The following PLXNA4 variants were observed in gnomAD, a reference collection of about 807,000 sequenced individuals.
PLXNA4 encodes plexin-A4.
PLXNA4 carries 44 observed loss-of-function variants against 191.8 expected under a neutral mutation model. The observed-to-expected ratio is 0.23, with a 90% confidence interval of 0.18 to 0.29. PLXNA4 has a LOEUF of 0.29. Among genes scored for constraint, PLXNA4 ranks in the 10% least tolerant of loss-of-function variants. The pLI is 1.00. For synonymous variants in PLXNA4, 1,082 were observed against 1,009.5 expected (o/e 1.07, Z -1.36); for missense variants, 1,800 against 2,488.8 (o/e 0.72, Z 5.89).
chr7:132,238,266 T>C (rs1475342863), intron 5 of PLXNA4, among the ~76,000 whole-genome samples: 1 of 152,172 alleles, frequency 6.6e-6, no homozygotes, highest in Non-Finnish European at 1.5e-5. Context: ...GATGGATTTG[T>C]TGATGAAAAT....
chr7:132,607,829 T>C (rs1167523727), intron 2 of PLXNA4, among the ~76,000 whole-genome samples: 1 of 151,046 alleles, frequency 6.6e-6, no homozygotes, highest in East Asian at 2.0e-4. Flanking sequence ...GCCATCATCA[T>C]CATCCATATC....
intron 27 of PLXNA4, 115 bp downstream of exon 27, chr7:132,147,785 G>A (rs901463668): frequency 1.2e-5 from 17 of 1,402,554 alleles, no homozygotes; most frequent in Non-Finnish European, 1.6e-5. Flanking sequence ...TGGTCAGCCT[G>A]TCTGATGCCC....
At chr7:132,158,999 C>A (rs758223452) in intron 25 of PLXNA4, among the ~76,000 whole-genome samples, 2 of 152,150 alleles carry the variant, frequency 1.3e-5, no homozygotes, top group Non-Finnish European at 2.9e-5. Flanking sequence ...TATCACTGAC[C>A]CAGATCCCTC....
intron 9 of PLXNA4, among the ~76,000 whole-genome samples, chr7:132,221,533 A>G (rs1427026416): frequency 6.6e-6 from 1 of 152,162 alleles, no homozygotes; most frequent in Non-Finnish European, 1.5e-5. Flanking sequence ...TCCTGAAACC[A>G]CACCCTGAGA....
chr7:132,216,153 A>G (rs1433578237), intron 9 of PLXNA4, among the ~76,000 whole-genome samples: 1 of 152,210 alleles, frequency 6.6e-6, no homozygotes, highest in Non-Finnish European at 1.5e-5. Flanking sequence ...TAGGCTACCC[A>G]AGTGGTTTCT....
intron 3 of PLXNA4, among the ~76,000 whole-genome samples, chr7:132,435,525 G>T (rs1795437420): frequency 6.6e-6 from 1 of 152,284 alleles, no homozygotes; most frequent in African/African-American, 2.4e-5. Context: ...AGAGGGCAAA[G>T]GAGGGGTGAG....
Position 132,179,670 on chromosome 7 carries a change from A to C in PLXNA4, c.3874+17T>G. On this transcript the variant is annotated intron_variant, in intron 20 of 31. Coordinates refer to ENST00000321063, the MANE Select transcript of PLXNA4 (RefSeq NM_020911.2). ...CACGCACACACACATGGCCTCCAGC[A>C]TGGGGCCACTCAGTACCTTCCTTGC... The C allele has an allele frequency of 2.5e-6, 4 of 1,605,362 alleles. No individual in the cohort carries two copies. Among genetic ancestry groups the C allele is most frequent in the Non-Finnish European group, 3.4e-6 (4 of 1,172,544 alleles).
chr7:132,497,381 C>A (rs1200769432), intron 2 of PLXNA4, among the ~76,000 whole-genome samples: 2 of 152,146 alleles, frequency 1.3e-5, no homozygotes, highest in Non-Finnish European at 2.9e-5. Flanking sequence ...CATAAATACA[C>A]AAAATGCATC....
At chr7:132,357,278 C>T (rs1027070070) in intron 3 of PLXNA4, among the ~76,000 whole-genome samples, 1 of 152,158 alleles carries the variant, frequency 6.6e-6, no homozygotes, top group Non-Finnish European at 1.5e-5. Context: ...CAGCTGAGAG[C>T]GTGGAACACT....
At chr7:132,338,229 G>A (rs190281834) in intron 3 of PLXNA4, among the ~76,000 whole-genome samples, 1 of 152,336 alleles carries the variant, frequency 6.6e-6, no homozygotes, top group East Asian at 1.9e-4. Flanking sequence ...CAGGAATCAG[G>A]AGAACTGGGT....
At chr7:132,290,516 C>T (rs1800845358) in intron 4 of PLXNA4, among the ~76,000 whole-genome samples, 2 of 152,302 alleles carry the variant, frequency 1.3e-5, no homozygotes, top group Middle Eastern at 3.4e-3. Context: ...TTTTATCACA[C>T]TGGTTTCAGT....
chr7:132,490,423 C>CT (rs35467841), intron 2 of PLXNA4, among the ~76,000 whole-genome samples: 74,183 of 110,684 alleles, frequency 0.67, 27,029 homozygotes, highest in South Asian at 0.82. Flanking sequence ...CCTTTTCTTC[C>CT]TTTTTTTTTT....
chr7:132,335,789 A>G (rs1026875521), intron 3 of PLXNA4, among the ~76,000 whole-genome samples: 1 of 152,268 alleles, frequency 6.6e-6, no homozygotes, highest in African/African-American at 2.4e-5. Context: ...GACTGGCTCA[A>G]TGAAGAACTA....
chr7:132,476,924 T>C (rs1172473989), intron 3 of PLXNA4, among the ~76,000 whole-genome samples: 3 of 152,130 alleles, frequency 2.0e-5, no homozygotes, highest in South Asian at 2.1e-4. Flanking sequence ...AAAGGAATAA[T>C]TTCAGTTTCA....
intron 1 of PLXNA4, among the ~76,000 whole-genome samples, chr7:132,517,090 C>T (rs2116332245): frequency 6.6e-6 from 1 of 152,318 alleles, no homozygotes; most frequent in African/African-American, 2.4e-5. Context: ...CCCAGAACTT[C>T]CTACAACACT....
At chr7:132,343,067 T>C (rs1279781627) in intron 3 of PLXNA4, among the ~76,000 whole-genome samples, 1 of 151,636 alleles carries the variant, frequency 6.6e-6, no homozygotes, top group Non-Finnish European at 1.5e-5. Context: ...GTAAGAAGTG[T>C]CTAAAGTTCT....
rs780867279 is a variant in PLXNA4, at chr7:132,508,415, G to T, written c.279C>A (p.Pro93=). ...THETGPDEDN[P]KCYPPRIVQT... The stretch of plus-strand genomic sequence containing the variant: ...GGACGATGCGGGGTGGGTAACACTT[G>T]GGGTTGTCCTCGTCCGGCCCTGTCT... The change falls in exon 2 of 32, where the codon CCC becomes CCA. Residue 93 remains proline, a synonymous_variant. Transcript: ENST00000321063. The surrounding 1 kb of genome is among the most constrained non-coding windows in gnomAD (Gnocchi z 4.4). 1 of 1,614,074 alleles carries T rather than the reference G, an allele frequency of 6.2e-7. No individual in the cohort carries two copies. The highest frequency in any genetic ancestry group is 8.5e-7 in the Non-Finnish European group (1 of 1,180,042).
chr7:132,349,725 C>T (rs1169288839), intron 3 of PLXNA4, among the ~76,000 whole-genome samples: 1 of 152,098 alleles, frequency 6.6e-6, no homozygotes, highest in Non-Finnish European at 1.5e-5. Flanking sequence ...CCATGATAAC[C>T]CCTCTTATAT....
chr7:132,147,815 T>G, intron 27 of PLXNA4, 85 bp downstream of exon 27: 1 of 1,574,194 alleles, frequency 6.4e-7, no homozygotes, highest in South Asian at 1.1e-5. Context: ...TCTCCAAGAG[T>G]CTCCTGCCTT....
Sources: allele counts gnomAD v4.1 joint callset (sites outside exome capture counted in the v4.1 genomes callset), GRCh38; gene constraint gnomAD v4.1.1; non-coding constraint Gnocchi (gnomAD v3.1); transcripts MANE v1.5; gene names NCBI Gene and HGNC (gene_info 2026-07-23, HGNC 2026-07-21).